BPTF: variants seen among roughly 807,000 people sequenced by gnomAD.
BPTF encodes the protein bromodomain PHD finger transcription factor, also known as nucleosome-remodeling factor subunit BPTF.
BPTF carries 18 observed loss-of-function variants against 292.5 expected under a neutral mutation model. The ratio of observed to expected loss-of-function variants is 0.06; its 90% CI spans 0.04 to 0.09. The LOEUF (loss-of-function observed/expected upper bound fraction) is 0.09, where lower values mean the gene tolerates loss of function less well. Ranked by LOEUF, BPTF falls within the 10% of genes least tolerant of loss-of-function variation. BPTF has a pLI of 1.00. For missense variants in BPTF, 2,726 were observed against 3,498.7 expected (o/e 0.78, Z 5.57); for synonymous variants, 1,225 against 1,251.9 (o/e 0.98, Z 0.45).
intron 2 of BPTF, among the ~76,000 whole-genome samples, chr17:67,858,732 T>C (rs1308226490): frequency 6.6e-6 from 1 of 152,204 alleles, no homozygotes; most frequent in Non-Finnish European, 1.5e-5. Context: ...GTCATCAGGA[T>C]GGCTGGGAAC....
chr17:67,836,566 A>T (rs2057148775), intron 1 of BPTF, among the ~76,000 whole-genome samples: 1 of 152,226 alleles, frequency 6.6e-6, no homozygotes, highest in Non-Finnish European at 1.5e-5. Context: ...ATCTTAGCTC[A>T]TCCTAAAACA....
chr17:67,877,936 T>C (rs946879371), intron 4 of BPTF, among the ~76,000 whole-genome samples: 10 of 152,222 alleles, frequency 6.6e-5, no homozygotes, highest in African/African-American at 2.4e-4. Context: ...ACCCAGCAAC[T>C]TTAAAAAATT....
Position 67,982,561 on chromosome 17 carries a change from GAAAA to G in BPTF, c.*275_*278del, listed in dbSNP as rs1333034729. On this transcript the variant is annotated 3_prime_UTR_variant, in exon 28 of 28. Coordinates refer to ENST00000306378, the MANE Select transcript of BPTF (RefSeq NM_182641.4). ...AAAACTTTGTTTATTGAAAAAAAAA[GAAAA>G]AGAAAGCAAGAAAAAAAGATACTAT... 7.4e-5 allele frequency: 24 copies of G among 324,018 alleles called. No individual in the cohort carries two copies. The South Asian group carries it at 9.6e-4, about 13-fold the overall frequency. 20.1% of individuals were successfully genotyped at this position (324,018 alleles called of 1,614,324 possible). A position where few individuals can be genotyped will look rare whatever the true frequency, so the allele number is the denominator to read the frequency against.
intron 6 of BPTF, 95 bp from the exon 7 acceptor site, chr17:67,893,939 C>T: frequency 6.9e-7 from 1 of 1,458,318 alleles, no homozygotes; most frequent in Non-Finnish European, 9.4e-7. Context: ...CGTCTTTATA[C>T]CTGGAATCAG....
At chr17:67,897,084 T>C (rs1020070215) in intron 7 of BPTF, among the ~76,000 whole-genome samples, 5 of 151,644 alleles carry the variant, frequency 3.3e-5, no homozygotes, top group African/African-American at 1.2e-4. Context: ...TCCCAGCACT[T>C]TGGGAGGCCA....
At chr17:67,859,727 C>T (rs2058961957) in intron 2 of BPTF, among the ~76,000 whole-genome samples, 1 of 152,166 alleles carries the variant, frequency 6.6e-6, no homozygotes, top group African/African-American at 2.4e-5. Flanking sequence ...TCTGTTATAT[C>T]TGCAGTGAGT....
In BPTF at chr17:67,979,816, G is replaced by A. The variant is rs572991962; in HGVS notation, c.8727-2436G>A. Among the ~76,000 whole-genome samples, 12 of 151,720 alleles carry A rather than the reference G, an allele frequency of 7.9e-5. No individual in the cohort carries two copies. In the East Asian group the frequency reaches 1.6e-3, roughly 20 times the overall value. ...AGCCCTTTGGAAGGCCGAGGCGGGCGGATCACCTAAGGTCAGGAGTTCAAG... is the reference window on the plus strand; with the variant it reads ...AGCCCTTTGGAAGGCCGAGGCGGGCAGATCACCTAAGGTCAGGAGTTCAAG... On this transcript the variant is annotated intron_variant, in intron 27 of 27. Coordinates refer to ENST00000306378, the MANE Select transcript of BPTF (RefSeq NM_182641.4).
intron 1 of BPTF, among the ~76,000 whole-genome samples, chr17:67,852,960 A>AC (rs1456733193): frequency 6.6e-6 from 1 of 152,054 alleles, no homozygotes; most frequent in East Asian, 1.9e-4. Context: ...ATATGGTGAA[A>AC]CCCCATCTCT....
intron 2 of BPTF, among the ~76,000 whole-genome samples, chr17:67,859,870 T>C (rs1384900170): frequency 1.3e-5 from 2 of 152,210 alleles, no homozygotes; most frequent in Non-Finnish European, 2.9e-5. Flanking sequence ...AAGCAAAATA[T>C]ATACTATTCG....
intron 26 of BPTF, among the ~76,000 whole-genome samples, chr17:67,973,042 T>TATATATATATTTTATATATATATAA (rs2068952482): frequency 6.9e-6 from 1 of 144,906 alleles, no homozygotes; most frequent in Non-Finnish European, 1.5e-5. Flanking sequence ...TATATTTATA[T>TATATATATATTTTATATATATATAA]ATATATATAT....
chr17:67,930,132 A>T (rs1195216684), intron 17 of BPTF, among the ~76,000 whole-genome samples: 1 of 148,922 alleles, frequency 6.7e-6, no homozygotes, highest in Non-Finnish European at 1.5e-5. Context: ...AAAAAAAAAA[A>T]AATTAAAAAG....
intron 16 of BPTF, chr17:67,929,093 G>C: frequency 2.3e-6 from 3 of 1,292,298 alleles, no homozygotes; most frequent in Non-Finnish European, 2.9e-6. Flanking sequence ...CAAGATTGTC[G>C]CTGTAAATGT....
At chr17:67,838,601 A>G (rs1243221993) in intron 1 of BPTF, among the ~76,000 whole-genome samples, 1 of 152,112 alleles carries the variant, frequency 6.6e-6, no homozygotes, top group Non-Finnish European at 1.5e-5. Context: ...CTCAGCCTCC[A>G]GAGTAGCTGG....
At chr17:67,922,266 G>A (rs1371376405) in intron 13 of BPTF, among the ~76,000 whole-genome samples, 3 of 152,080 alleles carry the variant, frequency 2.0e-5, no homozygotes, top group Non-Finnish European at 4.4e-5. Flanking sequence ...TTGAATATAT[G>A]GGAAGGTTCA....
chr17:67,886,369 T>C (rs984330661), intron 4 of BPTF: 42 of 1,250,038 alleles, frequency 3.4e-5, no homozygotes, highest in Non-Finnish European at 4.3e-5. Context: ...CTTTTTTTTC[T>C]TTTTTTTGTG....
intron 11 of BPTF, among the ~76,000 whole-genome samples, chr17:67,915,522 G>T (rs987920340): frequency 2.0e-4 from 30 of 152,066 alleles, no homozygotes; most frequent in African/African-American, 7.2e-4. Flanking sequence ...AGCGCATTCT[G>T]GCTTCTGCCT....
chr17:67,894,397 C>T lies in BPTF; in HGVS notation c.2543+232C>T, dbSNP rs117138629. On this transcript the variant is annotated intron_variant, in intron 7 of 27. Transcript: ENST00000306378. ...AGGCTAGCATGCAGTGGTGTAGTCT[C>T]GGCTTGCTGTAACCTCTGCCTCCCA... Among the ~76,000 whole-genome samples the T allele has an allele frequency of 1.7e-4, 20 of 120,330 alleles. No homozygotes were observed. In the East Asian group the frequency reaches 4.1e-3, roughly 25 times the overall value. The allele number at this position is 120,330 out of a possible 152,430, so 78.9% of individuals were successfully genotyped here.
intron 11 of BPTF, among the ~76,000 whole-genome samples, chr17:67,914,306 A>G (rs1598618884): frequency 6.6e-6 from 1 of 152,342 alleles, no homozygotes; most frequent in Non-Finnish European, 1.5e-5. Context: ...TTATTAATAC[A>G]ACCAGTCATA....
Position 67,944,066 on chromosome 17 carries a change from TA to T in BPTF, c.6478-83del, listed in dbSNP as rs1598820632. 4.0e-6 allele frequency: 4 copies of T among 996,180 alleles called. No individual in the cohort carries two copies. The East Asian group carries it at 9.6e-5, about 24-fold the overall frequency. 61.7% of individuals were successfully genotyped at this position (996,180 alleles called of 1,614,324 possible). A position where few individuals can be genotyped will look rare whatever the true frequency, so the allele number is the denominator to read the frequency against. ...TATTTTCATTATATTAAAAGATAAT[TA>T]CACATAAAAATGATTTAATAAAAAT... On this transcript the variant is annotated intron_variant, in intron 19 of 27. Transcript: ENST00000306378.
Sources: gnomAD v4.1 joint callset for allele counts (sites outside exome capture counted in the v4.1 genomes callset) on GRCh38, gnomAD v4.1.1 for gene constraint, MANE v1.5 for transcripts, NCBI Gene and HGNC (gene_info 2026-07-23, HGNC 2026-07-21) for gene names.